KCNIP1: variants seen among roughly 807,000 people sequenced by gnomAD.
The protein encoded by KCNIP1 is A-type potassium channel modulatory protein KCNIP1.
KCNIP1 carries 18 observed loss-of-function variants against 33.0 expected under a neutral mutation model. The observed-to-expected ratio is 0.55, with a 90% confidence interval of 0.38 to 0.81. The LOEUF is 0.81. Among genes scored for constraint, KCNIP1 ranks in the 30% least tolerant of loss-of-function variants. The probability of loss-of-function intolerance (pLI) is 0.00; values close to 1 mark genes in which losing one functional copy is unlikely to be tolerated. For missense variants in KCNIP1, 238 were observed against 271.6 expected, an observed-to-expected ratio of 0.88 and a Z score of 0.87; for synonymous variants, 93 against 98.3, an observed-to-expected ratio of 0.95 and a Z score of 0.32.
chr5:170,543,472 A>AT (rs1416409483), intron 1 of KCNIP1, among the ~76,000 whole-genome samples: 1 of 152,160 alleles, frequency 6.6e-6, no homozygotes. Flanking sequence ...AAATGAGTTA[A>AT]TTTTTTCCAT....
At chr5:170,534,246 TC>T (rs1755886733) in intron 1 of KCNIP1, among the ~76,000 whole-genome samples, 1 of 152,154 alleles carries the variant, frequency 6.6e-6, no homozygotes, top group Non-Finnish European at 1.5e-5. Context: ...CATTGGTGGC[TC>T]CTGATTGGTG....
At chr5:170,679,625 C>CTGTGTG (rs1561760037) in intron 1 of KCNIP1, among the ~76,000 whole-genome samples, 4 of 93,728 alleles carry the variant, frequency 4.3e-5, no homozygotes, top group Non-Finnish European at 6.3e-5. Flanking sequence ...ATGTATATGA[C>CTGTGTG]AGTGTGTGTG....
At chr5:170,709,815 A>C (rs1458968817) in intron 1 of KCNIP1, among the ~76,000 whole-genome samples, 3 of 151,788 alleles carry the variant, frequency 2.0e-5, no homozygotes, top group Non-Finnish European at 4.4e-5. Flanking sequence ...ATATGTTCAA[A>C]CTTTTCATCG....
At chr5:170,592,253 A>T (rs6868698) in intron 1 of KCNIP1, among the ~76,000 whole-genome samples, 47,376 of 151,972 alleles carry the variant, frequency 0.31, 9,005 homozygotes, top group Admixed American at 0.43. Flanking sequence ...TCATGTTCTT[A>T]CTGACCTTTT....
At chr5:170,675,588 TC>T (rs1356974725) in intron 1 of KCNIP1, among the ~76,000 whole-genome samples, 1 of 152,186 alleles carries the variant, frequency 6.6e-6, no homozygotes, top group Non-Finnish European at 1.5e-5. Context: ...GCCACTGCAC[TC>T]CAGCCTGGCA....
chr5:170,464,339 A>C (rs1217278467), intron 1 of KCNIP1, among the ~76,000 whole-genome samples: 1 of 152,212 alleles, frequency 6.6e-6, no homozygotes, highest in African/African-American at 2.4e-5. Context: ...GATTTAATGC[A>C]ACCCGTGTCA....
At chr5:170,488,236 C>T (rs541319899) in intron 1 of KCNIP1, among the ~76,000 whole-genome samples, 16 of 152,214 alleles carry the variant, frequency 1.1e-4, no homozygotes, top group African/African-American at 2.6e-4. Context: ...CTTGTGTTTC[C>T]GGGAAGAGAG....
intron 1 of KCNIP1, among the ~76,000 whole-genome samples, chr5:170,431,268 T>C (rs545786461): frequency 6.6e-6 from 1 of 152,286 alleles, no homozygotes; most frequent in Non-Finnish European, 1.5e-5. Context: ...ACTCAACAAT[T>C]GTGTGGAGTG....
At position 170,444,598 on chromosome 5, in the gene KCNIP1, A is replaced by G. The variant is rs533535737; in HGVS notation, c.88+90634A>G. 4.6e-5 allele frequency among the ~76,000 whole-genome samples: 7 copies of G among 152,066 alleles called. No individual in the cohort carries two copies. The East Asian group carries it at 1.2e-3, about 25-fold the overall frequency. ...CACTGTTTTGCCTACCACAGCTTCCATTTGGATTCTTGTCCCAACCCCTAC... is the reference window on the plus strand; with the variant it reads ...CACTGTTTTGCCTACCACAGCTTCCGTTTGGATTCTTGTCCCAACCCCTAC... On this transcript the variant is annotated intron_variant, in intron 1 of 7. Transcript: ENST00000377360.
chr5:170,696,039 C>G (rs543616383), intron 1 of KCNIP1, among the ~76,000 whole-genome samples: 1 of 143,840 alleles, frequency 7.0e-6, no homozygotes. Flanking sequence ...AAAAGCCAGG[C>G]TTTTTCTCAT....
chr5:170,440,983 T>C (rs141256457), intron 1 of KCNIP1, among the ~76,000 whole-genome samples: 8 of 152,302 alleles, frequency 5.3e-5, no homozygotes, highest in South Asian at 2.1e-4. Context: ...CTCCCTTCCA[T>C]GTCTCTGTTC....
chr5:170,403,172 G>A (rs1754951091), intron 1 of KCNIP1, among the ~76,000 whole-genome samples: 1 of 152,172 alleles, frequency 6.6e-6, no homozygotes, highest in African/African-American at 2.4e-5. Context: ...TGGAAAGGCA[G>A]GAGGCAGAGA....
chr5:170,447,639 G>A (rs975499408), intron 1 of KCNIP1, among the ~76,000 whole-genome samples: 1 of 152,072 alleles, frequency 6.6e-6, no homozygotes, highest in Non-Finnish European at 1.5e-5. Flanking sequence ...CAGCCAAGAC[G>A]GGGGTGTCTT....
intron 1 of KCNIP1, among the ~76,000 whole-genome samples, chr5:170,468,530 T>C (rs145860850): frequency 6.6e-6 from 1 of 152,302 alleles, no homozygotes; most frequent in East Asian, 1.9e-4. Context: ...ATCAATATTT[T>C]TGGCGCCTAA....
chr5:170,402,887 C>T (rs1477874425), intron 1 of KCNIP1, among the ~76,000 whole-genome samples: 2 of 152,146 alleles, frequency 1.3e-5, no homozygotes, highest in Non-Finnish European at 2.9e-5. Context: ...CAGAAGAGAA[C>T]TTTGAGGCTC....
At chr5:170,367,423 AAAG>A (rs1763718995) in intron 1 of KCNIP1, among the ~76,000 whole-genome samples, 1 of 147,280 alleles carries the variant, frequency 6.8e-6, no homozygotes, top group East Asian at 2.1e-4. Context: ...GAAAGAAAGG[AAAG>A]AAAGAAAGAA....
intron 5 of KCNIP1, among the ~76,000 whole-genome samples, chr5:170,731,956 C>T (rs1207217494): frequency 6.6e-6 from 1 of 151,346 alleles, no homozygotes; most frequent in African/African-American, 2.4e-5. Flanking sequence ...AATAGTGAAG[C>T]CATGTTAATT....
chr5:170,471,850 G>T (rs1024896812), intron 1 of KCNIP1, among the ~76,000 whole-genome samples: 1 of 152,142 alleles, frequency 6.6e-6, no homozygotes, highest in Non-Finnish European at 1.5e-5. Context: ...ATTTCTTGGT[G>T]TTCATTTTAA....
At chr5:170,681,321 G>A in intron 1 of KCNIP1, 1 of 389,608 alleles carries the variant, frequency 2.6e-6, no homozygotes, top group Middle Eastern at 6.6e-4. Flanking sequence ...GCGTGGTATT[G>A]GTCCCCGCCT....
Sources: gnomAD v4.1 joint callset for allele counts (sites outside exome capture counted in the v4.1 genomes callset) on GRCh38, gnomAD v4.1.1 for gene constraint, MANE v1.5 for transcripts, NCBI Gene and HGNC (gene_info 2026-07-23, HGNC 2026-07-21) for gene names.